Variants in PRL observed in about 807,000 individuals in gnomAD.
PRL encodes the protein decidual prolactin.
Under a neutral mutation model 21.3 loss-of-function variants are expected in PRL, and 24 were observed. The observed-to-expected ratio is 1.13, with a 90% CI of 0.82 to 1.59. The LOEUF is 1.59. Ranked by LOEUF, PRL falls within the 40% of genes most tolerant of loss-of-function variation. The pLI, the probability that PRL is intolerant of heterozygous loss-of-function variation, is 0.00. For missense variants in PRL, 243 were observed against 286.9 expected, an observed-to-expected ratio of 0.85 and a Z score of 1.10; for synonymous variants, 118 against 115.7, an observed-to-expected ratio of 1.02 and a Z score of -0.13.
In PRL at chr6:22,287,453, G is replaced by A. The variant is rs1478120425; in HGVS notation, c.633C>T (p.Asp211=). ...GGCACTTCAGGAGCTTGAGATAATT[G>A]TCGATTTTATGTGAATCCCTGCGTA... ...HCLRRDSHKI[D]NYLKLLKCRI... is the part of the protein sequence containing the mutation. Residue 211 remains aspartate (D), a synonymous_variant, in exon 5 of 5, where the codon GAC becomes GAT. Transcript: ENST00000306482. The A allele has an allele frequency of 2.7e-5, 43 of 1,613,988 alleles. 1 individual carries two copies. The highest frequency in any genetic ancestry group is 3.6e-5 in the Non-Finnish European group (43 of 1,179,998).
chr6:22,298,888 A>G (rs1159621735), upstream of PRL, among the ~76,000 whole-genome samples: 1 of 152,196 alleles, frequency 6.6e-6, no homozygotes, highest in Non-Finnish European at 1.5e-5. Context: ...CCAGGATAAG[A>G]GCAATCTAAG....
chr6:22,297,000 G>A lies in PRL; in HGVS notation c.-18C>T, dbSNP rs780951478. On this transcript the variant is annotated 5_prime_UTR_variant, in exon 1 of 5. Transcript: ENST00000306482. Reference sequence around the variant, plus strand: ...ATGTTCATGTTCGTGATCGTTGCAGGAAACACACTTCACCAGAGAAGATCT... The same window carrying A: ...ATGTTCATGTTCGTGATCGTTGCAGAAAACACACTTCACCAGAGAAGATCT... The A allele has an allele frequency of 3.1e-6, 5 of 1,613,818 alleles. No homozygotes were observed. In the Admixed American group the frequency reaches 8.3e-5, roughly 27 times the overall value.
At chr6:22,290,715 C>T (rs1761033933) in intron 3 of PRL, among the ~76,000 whole-genome samples, 1 of 152,166 alleles carries the variant, frequency 6.6e-6, no homozygotes, top group African/African-American at 2.4e-5. Flanking sequence ...TTTGCCGAAA[C>T]TCAGTAGGTG....
chr6:22,302,062 TA>T (rs1052552362), upstream of PRL, among the ~76,000 whole-genome samples: 6 of 152,006 alleles, frequency 3.9e-5, no homozygotes, highest in Admixed American at 2.6e-4. Flanking sequence ...AAAAAGAAAC[TA>T]AAAAATACAC....
At chr6:22,290,404 G>T in intron 3 of PRL, 51 bp from the exon 4 acceptor site, 1 of 1,372,362 alleles carries the variant, frequency 7.3e-7, no homozygotes. Context: ...ATACAATGGG[G>T]TTAGTTACTT....
rs1169994450 is a variant in PRL at position 22,294,427 on chromosome 6, TGAGGAGAGGTTATG to T, written c.172_185del (p.His58ArgfsTer8). 4.3e-6 allele frequency: 7 copies of T among 1,614,148 alleles called. No homozygotes were observed. Among genetic ancestry groups the T allele is most frequent in the Non-Finnish European group, 5.9e-6 (7 of 1,180,032 alleles). ...TACTTACGAATTCGCTGAACATTTC[TGAGGAGAGGTTATG>T]GATGTAGTGGGACAGGACGACGGCG... On this transcript the variant is annotated frameshift_variant, in exon 2 of 5. Coordinates refer to ENST00000306482, the MANE Select transcript of PRL (RefSeq NM_000948.6). LOFTEE classifies it high-confidence loss of function.
At chr6:22,294,675 C>T in intron 1 of PRL, 91 bp from the exon 2 acceptor site, 1 of 1,377,440 alleles carries the variant, frequency 7.3e-7, no homozygotes, top group Non-Finnish European at 9.7e-7. Context: ...TTATTGCTCC[C>T]CACTGCCCTC....
chr6:22,290,179 T>C lies in PRL; in HGVS notation c.487A>G (p.Ser163Gly). Residue 163 changes from serine to glycine, a missense_variant, in exon 4 of 5, where the codon AGC becomes GGC. Transcript: ENST00000306482. The stretch of plus-strand genomic sequence containing the variant: ...AGCACCAGGAGGCTGCTCACCTGGC[T>C]GACTATCAGCTCCATGCCCTCTAGA... ...RLLEGMELIVSQVHPETKENE... is the reference protein window; with the variant it reads ...RLLEGMELIVGQVHPETKENE... The C allele has an allele frequency of 6.4e-7, 1 of 1,573,290 alleles. No homozygotes were observed. Among genetic ancestry groups the C allele is most frequent in the Non-Finnish European group, 8.7e-7 (1 of 1,151,100 alleles).
At chr6:22,296,911 G>T in intron 1 of PRL, 44 bp downstream of exon 1, 1 of 1,596,176 alleles carries the variant, frequency 6.3e-7, no homozygotes, top group Non-Finnish European at 8.6e-7. Context: ...TCCCCCCACA[G>T]GAGTGTTGAT....
upstream of PRL, among the ~76,000 whole-genome samples, chr6:22,299,774 G>C (rs1195458504): frequency 6.6e-6 from 1 of 152,176 alleles, no homozygotes; most frequent in African/African-American, 2.4e-5. Context: ...AGGAGGCAGA[G>C]GTTGCAGTGA....
At chr6:22,292,496 T>A (rs762791233) in intron 3 of PRL, 42 bp downstream of exon 3, 2 of 1,561,312 alleles carry the variant, frequency 1.3e-6, no homozygotes, top group Non-Finnish European at 1.8e-6. Flanking sequence ...ACCCATATAC[T>A]GCCTTGGTTG....
intron 4 of PRL, among the ~76,000 whole-genome samples, chr6:22,289,848 C>T (rs1761008247): frequency 6.6e-6 from 1 of 152,064 alleles, no homozygotes; most frequent in African/African-American, 2.4e-5. Context: ...CCTGGGATAC[C>T]CTGCAGAAAG....
chr6:22,296,195 A>G (rs1761169297), intron 1 of PRL, among the ~76,000 whole-genome samples: 1 of 152,194 alleles, frequency 6.6e-6, no homozygotes, highest in Admixed American at 6.5e-5. Context: ...CATGGAAAGG[A>G]TTTTTAAAGC....
intron 3 of PRL, 64 bp downstream of exon 3, chr6:22,292,474 C>T: frequency 3.5e-6 from 5 of 1,447,344 alleles, no homozygotes; most frequent in Non-Finnish European, 4.8e-6. Flanking sequence ...CAGCACCTAT[C>T]ACCATGATAA....
At chr6:22,292,081 G>C (rs1385231402) in intron 3 of PRL, among the ~76,000 whole-genome samples, 1 of 152,184 alleles carries the variant, frequency 6.6e-6, no homozygotes, top group Non-Finnish European at 1.5e-5. Flanking sequence ...TAGAACCAGA[G>C]TAGAGTCTTG....
chr6:22,288,454 G>A lies in PRL; in HGVS notation c.493-861C>T, dbSNP rs141416334. Among the ~76,000 whole-genome samples the A allele has an allele frequency of 1.5e-4, 23 of 152,118 alleles. 1 individual carries two copies. Among genetic ancestry groups the A allele is most frequent in the African/African-American group, 5.1e-4 (21 of 41,478 alleles). On this transcript the variant is annotated intron_variant, in intron 4 of 4. Coordinates refer to ENST00000306482, the MANE Select transcript of PRL (RefSeq NM_000948.6). The surrounding 1 kb of genome is among the most constrained non-coding windows in gnomAD (Gnocchi z 4.5). ...GGAGGCTGAGGCATGAGGATCGCTTGAACCCAGGAGGCAGAGATTGTGGTG... is the reference window on the plus strand; with the variant it reads ...GGAGGCTGAGGCATGAGGATCGCTTAAACCCAGGAGGCAGAGATTGTGGTG...
At chr6:22,299,562 C>T (rs912398287), upstream of PRL, among the ~76,000 whole-genome samples, 7 of 152,146 alleles carry the variant, frequency 4.6e-5, no homozygotes, top group Admixed American at 2.0e-4. Context: ...CTTCACAGGG[C>T]GGGCGCAGTG....
intron 4 of PRL, among the ~76,000 whole-genome samples, chr6:22,287,842 G>A (rs907252958): frequency 6.6e-6 from 1 of 152,170 alleles, no homozygotes; most frequent in Non-Finnish European, 1.5e-5. Flanking sequence ...TGCAGGAGTA[G>A]ACAGATGAAG....
At chr6:22,302,629 C>G (rs551661702) in intron 1 of PRL, among the ~76,000 whole-genome samples, 1 of 151,852 alleles carries the variant, frequency 6.6e-6, no homozygotes, top group Non-Finnish European at 1.5e-5. Context: ...AATGAAGAAC[C>G]AAAGAAACAG....
Sources: allele counts gnomAD v4.1 joint callset (sites outside exome capture counted in the v4.1 genomes callset), GRCh38; gene constraint gnomAD v4.1.1; non-coding constraint Gnocchi (gnomAD v3.1); transcripts MANE v1.5; gene names NCBI Gene and HGNC (gene_info 2026-07-23, HGNC 2026-07-21).